EPB41L2: variants seen among roughly 807,000 people sequenced by gnomAD.
EPB41L2 encodes erythrocyte membrane protein band 4.1 like 2.
EPB41L2 carries 43 observed loss-of-function variants against 113.0 expected under a neutral mutation model. The observed-to-expected ratio is 0.38, with a 90% CI of 0.30 to 0.49. EPB41L2 has a LOEUF of 0.49. Ranked by LOEUF, EPB41L2 falls within the 20% of genes least tolerant of loss-of-function variation. The pLI is 0.95. For missense variants in EPB41L2, 1,147 were observed against 1,223.4 expected, an observed-to-expected ratio of 0.94 and a Z score of 0.93; for synonymous variants, 442 against 436.7, an observed-to-expected ratio of 1.01 and a Z score of -0.15.
chr6:131,035,934 G>C (rs572241065), intron 1 of EPB41L2, among the ~76,000 whole-genome samples: 1 of 152,310 alleles, frequency 6.6e-6, no homozygotes, highest in East Asian at 1.9e-4. Context: ...GACCCTCTAA[G>C]TTGATTAGAG....
In EPB41L2 at chr6:131,053,346, T is replaced by C. The variant is rs79677362; in HGVS notation, c.-15+9809A>G. ...AGTTGTGGCAGACTGTCACGGTTAC[T>C]ACTTGAGACCATCACTACAACAGTT... On this transcript the variant is annotated intron_variant, in intron 1 of 19. Transcript: ENST00000337057. Among the ~76,000 whole-genome samples the C allele has an allele frequency of 8.0e-3, 1,188 of 148,044 alleles. 19 individuals carry two copies. The highest frequency in any genetic ancestry group is 0.027 in the African/African-American group (1,092 of 40,026).
At chr6:131,044,853 G>A (rs1795116004) in intron 1 of EPB41L2, among the ~76,000 whole-genome samples, 2 of 152,044 alleles carry the variant, frequency 1.3e-5, no homozygotes, top group Admixed American at 1.3e-4. Context: ...TTAAGTTTGT[G>A]GACTATTGAC....
chr6:131,040,944 T>G (rs76359152), intron 1 of EPB41L2, among the ~76,000 whole-genome samples: 4,756 of 152,276 alleles, frequency 0.031, 238 homozygotes, highest in African/African-American at 0.11. Flanking sequence ...CCAAGACCTG[T>G]AACATCTTGC....
At chr6:130,963,180 C>T (rs1453486632) in intron 1 of EPB41L2, among the ~76,000 whole-genome samples, 1 of 152,196 alleles carries the variant, frequency 6.6e-6, no homozygotes, top group East Asian at 1.9e-4. Context: ...ATACTCCTCT[C>T]TGGCTCAATG....
At chr6:130,906,799 A>T (rs1797858778) in intron 5 of EPB41L2, among the ~76,000 whole-genome samples, 1 of 152,180 alleles carries the variant, frequency 6.6e-6, no homozygotes, top group South Asian at 2.1e-4. Flanking sequence ...GTCCATTTTA[A>T]TACAGAAAGA....
intron 1 of EPB41L2, among the ~76,000 whole-genome samples, chr6:131,029,726 A>C (rs1791679666): frequency 6.6e-6 from 1 of 152,184 alleles, no homozygotes; most frequent in African/African-American, 2.4e-5. Flanking sequence ...GTCAAATTAC[A>C]AAGCAATTGC....
chr6:130,995,225 A>T (rs1328345402), intron 1 of EPB41L2, among the ~76,000 whole-genome samples: 1 of 152,080 alleles, frequency 6.6e-6, no homozygotes, highest in Non-Finnish European at 1.5e-5. Context: ...AGTCCCAGCT[A>T]CTCGGGAGGC....
chr6:131,017,983 T>C (rs1000487036), intron 1 of EPB41L2, among the ~76,000 whole-genome samples: 2 of 152,210 alleles, frequency 1.3e-5, no homozygotes, highest in Non-Finnish European at 2.9e-5. Context: ...TCTTATTAAT[T>C]TGTAACAGTT....
intron 10 of EPB41L2, among the ~76,000 whole-genome samples, chr6:130,894,137 C>G (rs1793836707): frequency 1.3e-5 from 2 of 152,116 alleles, no homozygotes; most frequent in Non-Finnish European, 2.9e-5. Context: ...ACCACTACCA[C>G]CTCCTAATTC....
At chr6:131,040,967 G>C (rs1281693728) in intron 1 of EPB41L2, among the ~76,000 whole-genome samples, 1 of 152,108 alleles carries the variant, frequency 6.6e-6, no homozygotes, top group Admixed American at 6.5e-5. Flanking sequence ...CTCTCCAACA[G>C]TTCACCGTCA....
intron 3 of EPB41L2, among the ~76,000 whole-genome samples, chr6:130,933,994 TGAA>T (rs1807873849): frequency 6.6e-6 from 1 of 152,208 alleles, no homozygotes. Context: ...ATTACAGCCC[TGAA>T]GCTATGTATT....
rs147230823 is a variant in EPB41L2 at position 130,868,183 on chromosome 6, C to T, written c.2608-602G>A. ...AAGATTTGTTCTTCTGCCCACAATA[C>T]CTTTTCTGCCTTATTGTTAACAGAC... On this transcript the variant is annotated intron_variant, in intron 15 of 19. Coordinates refer to ENST00000337057, the MANE Select transcript of EPB41L2 (RefSeq NM_001431.4). 217 of 154,198 alleles carry T rather than the reference C, an allele frequency of 1.4e-3. 1 individual carries two copies. Among genetic ancestry groups the T allele is most frequent in the African/African-American group, 5.0e-3 (206 of 41,564 alleles). 9.6% of individuals were successfully genotyped at this position (154,198 alleles called of 1,614,324 possible).
chr6:130,900,861 T>A, intron 7 of EPB41L2, 101 bp downstream of exon 7: 1 of 1,385,866 alleles, frequency 7.2e-7, no homozygotes, highest in Non-Finnish European at 9.9e-7. Flanking sequence ...AAGGAAAAAT[T>A]GGATAATCCT....
At chr6:130,896,093 T>G (rs1312154646) in intron 8 of EPB41L2, among the ~76,000 whole-genome samples, 1 of 152,208 alleles carries the variant, frequency 6.6e-6, no homozygotes, top group Non-Finnish European at 1.5e-5. Flanking sequence ...AACCCCATAT[T>G]TAGTCTAACT....
chr6:130,939,269 T>C (rs997718369), intron 3 of EPB41L2, among the ~76,000 whole-genome samples: 1 of 152,122 alleles, frequency 6.6e-6, no homozygotes, highest in African/African-American at 2.4e-5. Flanking sequence ...TTTTTTTTTT[T>C]TTGAGGCTGA....
chr6:130,924,524 G>A (rs57437525), intron 4 of EPB41L2, among the ~76,000 whole-genome samples: 2,492 of 152,106 alleles, frequency 0.016, 77 homozygotes, highest in African/African-American at 0.056. Flanking sequence ...GACTACAGGC[G>A]CATGCCACCA....
intron 3 of EPB41L2, among the ~76,000 whole-genome samples, chr6:130,926,967 A>T (rs565701705): frequency 1.1e-4 from 16 of 152,350 alleles, no homozygotes; most frequent in Non-Finnish European, 1.8e-4. Context: ...AGACATAAAA[A>T]GGACGAAAAA....
At chr6:130,866,408 G>T (rs1385242596) in intron 16 of EPB41L2, among the ~76,000 whole-genome samples, 1 of 152,178 alleles carries the variant, frequency 6.6e-6, no homozygotes, top group Non-Finnish European at 1.5e-5. Context: ...GAAATAACTG[G>T]ACGGTCCAGA....
intron 13 of EPB41L2, among the ~76,000 whole-genome samples, chr6:130,879,517 T>C (rs1017331854): frequency 1.3e-5 from 2 of 152,214 alleles, no homozygotes; most frequent in Non-Finnish European, 2.9e-5. Context: ...AAAAAAATGT[T>C]CTCACGTGAC....
Sources: gnomAD v4.1 joint callset for allele counts (sites outside exome capture counted in the v4.1 genomes callset) on GRCh38, gnomAD v4.1.1 for gene constraint, MANE v1.5 for transcripts, NCBI Gene and HGNC (gene_info 2026-07-23, HGNC 2026-07-21) for gene names.